Variants in PCDHA8 observed in about 807,000 individuals in gnomAD.
The protein encoded by PCDHA8 is protocadherin alpha 8, also known as protocadherin alpha-8.
In PCDHA8, 53 loss-of-function variants were observed where a neutral mutation model predicts 61.8. That is an observed-to-expected ratio of 0.86 (90% CI 0.69 to 1.08). The LOEUF (loss-of-function observed/expected upper bound fraction) is 1.08. PCDHA8 is among the 50% of genes least tolerant of loss of function. PCDHA8 has a pLI of 0.00. For missense variants in PCDHA8, 1,293 were observed against 1,245.0 expected, an observed-to-expected ratio of 1.04 and a Z score of -0.58; for synonymous variants, 618 against 556.6, an observed-to-expected ratio of 1.11 and a Z score of -1.55.
At chr5:140,956,212 C>A (rs246014) in intron 1 of PCDHA8, among the ~76,000 whole-genome samples, 85,603 of 151,956 alleles carry the variant, frequency 0.56, 24,735 homozygotes, top group African/African-American at 0.69. Context: ...AAGAGGGCAT[C>A]CTTGTCTTGT....
rs199902550 is a variant in PCDHA8 at position 140,965,368 on chromosome 5, A to C, written c.2395-13581A>C. On this transcript the variant is annotated intron_variant, in intron 1 of 3. Transcript: ENST00000531613. ...TTGCCTCTATAGCAGTACAAGAGGAAACTTGGGGACACAGAAGAACAGAAG... is the reference window on the plus strand; with the variant it reads ...TTGCCTCTATAGCAGTACAAGAGGACACTTGGGGACACAGAAGAACAGAAG... 8.5e-5 allele frequency among the ~76,000 whole-genome samples: 13 copies of C among 152,290 alleles called. No homozygotes were observed. The East Asian group carries it at 2.5e-3, about 29-fold the overall frequency.
chr5:140,947,290 T>G (rs1554218137), intron 1 of PCDHA8, among the ~76,000 whole-genome samples: 2 of 151,614 alleles, frequency 1.3e-5, no homozygotes, highest in Non-Finnish European at 3.0e-5. Context: ...TTTTATTGCA[T>G]TATCTTGACA....
intron 1 of PCDHA8, chr5:140,867,710 G>A (rs2050114623): frequency 6.6e-6 from 1 of 151,674 alleles, no homozygotes; most frequent in Non-Finnish European, 1.5e-5. Context: ...AAATCCTAAG[G>A]GTATATGAAA....
intron 3 of PCDHA8, among the ~76,000 whole-genome samples, chr5:141,000,395 C>CTATA (rs1190667031): frequency 1.7e-4 from 9 of 53,980 alleles, no homozygotes; most frequent in Admixed American, 6.3e-4. Flanking sequence ...CTCTCTCTCT[C>CTATA]TATATATATA....
At chr5:140,851,411 A>T in intron 1 of PCDHA8, 1 of 962,208 alleles carries the variant, frequency 1.0e-6, no homozygotes, top group Non-Finnish European at 1.3e-6. Flanking sequence ...ATAAGAAAGA[A>T]ACTTCCCCTA....
intron 1 of PCDHA8, among the ~76,000 whole-genome samples, chr5:140,897,653 G>A (rs1446334429): frequency 1.3e-5 from 2 of 152,100 alleles, no homozygotes; most frequent in Non-Finnish European, 2.9e-5. Flanking sequence ...AAACATACGT[G>A]TGCATGTGTC....
chr5:140,916,706 G>A (rs1179319029), intron 1 of PCDHA8, among the ~76,000 whole-genome samples: 1 of 152,200 alleles, frequency 6.6e-6, no homozygotes, highest in Admixed American at 6.5e-5. Flanking sequence ...TCCTTAAGCA[G>A]AAGGAAGGAG....
intron 1 of PCDHA8, chr5:140,877,659 G>A (rs1554169954): frequency 9.3e-6 from 15 of 1,613,500 alleles, no homozygotes; most frequent in Admixed American, 1.7e-5. Flanking sequence ...CGCCCACCGT[G>A]AGCCGGTGCG....
chr5:140,946,080 A>T lies in PCDHA8; in HGVS notation c.2395-32869A>T, dbSNP rs74501731. ...GGGAGAAAATATTTGCAAACCACAG[A>T]TCTGATAAGGAGTTAACATACCAAA... On this transcript the variant is annotated intron_variant, in intron 1 of 3. Coordinates refer to ENST00000531613, the MANE Select transcript of PCDHA8 (RefSeq NM_018911.3). Among the ~76,000 whole-genome samples, 867 of 152,226 alleles carry T rather than the reference A, an allele frequency of 5.7e-3. 6 individuals carry two copies. Among genetic ancestry groups the T allele is most frequent in the African/African-American group, 0.02 (843 of 41,572 alleles).
At chr5:140,914,097 A>G (rs191641220) in intron 1 of PCDHA8, among the ~76,000 whole-genome samples, 38 of 152,298 alleles carry the variant, frequency 2.5e-4, no homozygotes, top group Admixed American at 9.2e-4. Flanking sequence ...AATTTGTTCT[A>G]TAGTGCAGAT....
Position 140,858,084 on chromosome 5 carries a change from C to T in PCDHA8, c.2394+14369C>T, listed in dbSNP as rs781886260. 2 of 1,597,664 alleles carry T rather than the reference C, an allele frequency of 1.3e-6. No homozygotes were observed. Among genetic ancestry groups the T allele is most frequent in the Admixed American group, 1.7e-5 (1 of 59,290 alleles). ...GGCAGCCAGGCACCCAAGGCCTCGT[C>T]GCGGGCTTCAGTGGGCGTGGCGCCC... is the stretch of plus-strand genomic sequence containing the variant. On this transcript the variant is annotated intron_variant, in intron 1 of 3. Transcript: ENST00000531613.
chr5:140,998,855 C>T (rs544471391), intron 3 of PCDHA8, among the ~76,000 whole-genome samples: 63 of 152,320 alleles, frequency 4.1e-4, no homozygotes, highest in Admixed American at 2.1e-3. Context: ...GAGCCACATG[C>T]CTGGCCTTGT....
At chr5:140,865,669 A>G (rs546524670) in intron 1 of PCDHA8, 4 of 152,306 alleles carry the variant, frequency 2.6e-5, no homozygotes, top group African/African-American at 9.6e-5. Flanking sequence ...ACTTATAACA[A>G]TTTCTAAAGT....
chr5:140,986,758 G>A (rs1242772553), intron 3 of PCDHA8, among the ~76,000 whole-genome samples: 1 of 152,194 alleles, frequency 6.6e-6, no homozygotes, highest in Non-Finnish European at 1.5e-5. Context: ...ACTAAACAGT[G>A]AAAGATTAAT....
intron 1 of PCDHA8, among the ~76,000 whole-genome samples, chr5:140,913,578 A>G (rs1206858917): frequency 2.0e-5 from 3 of 152,072 alleles, no homozygotes; most frequent in Non-Finnish European, 2.9e-5. Context: ...CATTTCAAAT[A>G]TATTTCTGCT....
At chr5:140,921,998 A>G (rs1247902071) in intron 1 of PCDHA8, among the ~76,000 whole-genome samples, 3 of 152,206 alleles carry the variant, frequency 2.0e-5, no homozygotes, top group African/African-American at 7.2e-5. Flanking sequence ...AGTTCAATGA[A>G]ATGATTAGTT....
intron 1 of PCDHA8, chr5:140,966,679 G>T: frequency 1.5e-6 from 2 of 1,317,678 alleles, no homozygotes; most frequent in Admixed American, 3.8e-5. Context: ...AGGGTGGCAC[G>T]AGCGGAGGCG....
chr5:140,854,159 CAAA>C (rs59855104), intron 1 of PCDHA8: 332 of 340,956 alleles, frequency 9.7e-4, no homozygotes, highest in Non-Finnish European at 1.1e-3. Context: ...GATTCTGTCT[CAAA>C]AAAAAAAAAA....
In PCDHA8 at chr5:140,842,833, G is replaced by C. The variant is rs2150345811; in HGVS notation, c.1512G>C (p.Leu504=). The C allele has an allele frequency of 6.3e-7, 1 of 1,593,874 alleles. No homozygotes were observed. The highest frequency in any genetic ancestry group is 8.6e-7 in the Non-Finnish European group (1 of 1,165,346). The change falls in exon 1 of 4, where the codon CTG becomes CTC. Residue 504 remains leucine (L), a synonymous_variant. Transcript: ENST00000531613. ...AGCGGCGGGTGGGCGAGCGCTCGCT[G>C]TCGAGCTACATTTCGGTGCACACGG... is the stretch of plus-strand genomic sequence containing the variant. The part of the protein sequence containing the change: ...LVERRVGERS[L]SSYISVHTES...
Sources: gnomAD v4.1 joint callset for allele counts (sites outside exome capture counted in the v4.1 genomes callset) on GRCh38, gnomAD v4.1.1 for gene constraint, MANE v1.5 for transcripts, NCBI Gene and HGNC (gene_info 2026-07-23, HGNC 2026-07-21) for gene names.